The following SYNE2 variants were observed in gnomAD, a reference collection of about 807,000 sequenced individuals.
SYNE2 encodes the protein spectrin repeat containing nuclear envelope protein 2.
A neutral mutation model predicts 856.3 loss-of-function variants in SYNE2; 431 were observed. The observed-to-expected ratio is 0.50, with a 90% CI of 0.47 to 0.55. The LOEUF is 0.55. Among genes scored for constraint, SYNE2 ranks in the 20% least tolerant of loss-of-function variants. The pLI, the probability that SYNE2 is intolerant of heterozygous loss-of-function variation, is 0.00. For missense variants in SYNE2, 8,129 were observed against 8,023.2 expected, an observed-to-expected ratio of 1.01 and a Z score of -0.50; for synonymous variants, 2,923 against 2,872.3, an observed-to-expected ratio of 1.02 and a Z score of -0.56.
At chr14:63,893,762 G>GT (rs1192245231) in intron 1 of SYNE2, among the ~76,000 whole-genome samples, 2 of 152,184 alleles carry the variant, frequency 1.3e-5, no homozygotes, top group Admixed American at 1.3e-4. Context: ...CAGGGCCAGG[G>GT]TAGGCTCAGT....
At chr14:63,894,512 C>G in intron 1 of SYNE2, among the ~76,000 whole-genome samples, 1 of 152,106 alleles carries the variant, frequency 6.6e-6, no homozygotes, top group East Asian at 1.9e-4. Context: ...TGAGCCACTG[C>G]ATCCGGCCAT....
At chr14:64,106,079 A>G (rs1475548138) in intron 64 of SYNE2, among the ~76,000 whole-genome samples, 1 of 151,520 alleles carries the variant, frequency 6.6e-6, no homozygotes, top group Non-Finnish European at 1.5e-5. Flanking sequence ...AAAGAAAAAG[A>G]AAGGCTATAC....
chr14:64,193,043 T>C (rs1190920682), intron 99 of SYNE2, among the ~76,000 whole-genome samples: 1 of 152,228 alleles, frequency 6.6e-6, no homozygotes, highest in Non-Finnish European at 1.5e-5. Context: ...GAATCCCTGA[T>C]GCTGACTTCA....
chr14:64,223,009 T>G (rs996999371), intron 112 of SYNE2, among the ~76,000 whole-genome samples, 180 bp from the exon 113 acceptor site: 4 of 152,184 alleles, frequency 2.6e-5, no homozygotes, highest in African/African-American at 9.7e-5. Context: ...CATAATACAC[T>G]TGCTATCTAA....
At chr14:64,093,782 C>T (rs558296856) in intron 61 of SYNE2, among the ~76,000 whole-genome samples, 4 of 152,220 alleles carry the variant, frequency 2.6e-5, no homozygotes, top group African/African-American at 7.2e-5. Context: ...CCAGGGCTGC[C>T]GCATCTCCTT....
intron 1 of SYNE2, among the ~76,000 whole-genome samples, chr14:63,898,009 T>C (rs1948526687): frequency 6.6e-6 from 1 of 152,244 alleles, no homozygotes. Flanking sequence ...ATTGGAACTT[T>C]GTCTTATCAT....
intron 1 of SYNE2, among the ~76,000 whole-genome samples, chr14:63,783,439 G>A (rs993479097): frequency 6.6e-6 from 1 of 151,914 alleles, no homozygotes; most frequent in Non-Finnish European, 1.5e-5. Flanking sequence ...GTGCAGTGGC[G>A]CGATCTTGGC....
chr14:63,939,756 C>T (rs533225679), intron 2 of SYNE2, among the ~76,000 whole-genome samples: 7 of 152,274 alleles, frequency 4.6e-5, no homozygotes, highest in African/African-American at 1.4e-4. Context: ...GAGACAAATG[C>T]GTATTACTTT....
chr14:64,006,501 A>G lies in SYNE2; in HGVS notation c.4398-542A>G, dbSNP rs535869757. Among the ~76,000 whole-genome samples the G allele has an allele frequency of 2.6e-5, 4 of 152,156 alleles. No individual in the cohort carries two copies. The South Asian group carries it at 8.3e-4, about 32-fold the overall frequency. On this transcript the variant is annotated intron_variant, in intron 30 of 115. Coordinates refer to ENST00000555002, the MANE Select transcript of SYNE2 (RefSeq NM_182914.3). ...TATGTTAATGCTAATGTTTTTGTAT[A>G]TTTATTATATTTATTTAAAGCACCA...
rs201645739 is a variant in SYNE2 at position 64,159,371 on chromosome 14, C to T, written c.16023C>T (p.Ile5341=). Residue 5341 remains isoleucine (I), a synonymous_variant, in exon 87 of 116, where the codon ATC becomes ATT. Transcript: ENST00000555002. ...EGSWEKLQEV[I]GKLKGLCPSV... Reference sequence around the variant, plus strand: ...GTTGGGAGAAACTCCAGGAGGTTATCGGCAAACTCAAAGGTCTCTGCCCCT... The same window carrying T: ...GTTGGGAGAAACTCCAGGAGGTTATTGGCAAACTCAAAGGTCTCTGCCCCT... The T allele has an allele frequency of 4.0e-5, 65 of 1,613,920 alleles. No homozygotes were observed. Among genetic ancestry groups the T allele is most frequent in the Admixed American group, 2.0e-4 (12 of 60,008 alleles).
chr14:64,053,748 C>A lies in SYNE2; in HGVS notation c.9744+91C>A. ...TTGGGAGGCCAAGGCTGGCGGATCA[C>A]TTGAGGCCAAGTAGAGACCAGCCTG... On this transcript the variant is annotated intron_variant, in intron 48 of 115. Coordinates refer to ENST00000555002, the MANE Select transcript of SYNE2 (RefSeq NM_182914.3). 3 of 1,320,398 alleles carry A rather than the reference C, an allele frequency of 2.3e-6. No homozygotes were observed. The South Asian group carries it at 4.2e-5, about 19-fold the overall frequency. 81.8% of individuals were successfully genotyped at this position (1,320,398 alleles called of 1,614,324 possible).
At chr14:63,948,440 G>A (rs564494645) in intron 6 of SYNE2, among the ~76,000 whole-genome samples, 1 of 152,028 alleles carries the variant, frequency 6.6e-6, no homozygotes, top group Admixed American at 6.6e-5. Flanking sequence ...GAGGCAGGCA[G>A]ATCACAAGGT....
chr14:63,990,364 TA>T (rs1298243008), intron 19 of SYNE2, 46 bp from the exon 20 acceptor site: 1 of 1,568,092 alleles, frequency 6.4e-7, no homozygotes, highest in East Asian at 2.2e-5. Context: ...ATGTTTAGCA[TA>T]TAATCAGAAT....
chr14:64,202,719 C>G lies in SYNE2; in HGVS notation c.18039-82C>G, dbSNP rs1225011350. On this transcript the variant is annotated intron_variant, in intron 99 of 115. Coordinates refer to ENST00000555002, the MANE Select transcript of SYNE2 (RefSeq NM_182914.3). ...CCTGCAATGCTCTTACTGGCACATT[C>G]TTCCACCACTAAGTATTGGGCTTTT... The G allele has an allele frequency of 1.9e-6, 3 of 1,577,448 alleles. No individual in the cohort carries two copies. In the Admixed American group the frequency reaches 5.1e-5, roughly 27 times the overall value.
chr14:64,052,818 C>G lies in SYNE2; in HGVS notation c.8905C>G (p.Leu2969Val), dbSNP rs773914389. The G allele has an allele frequency of 1.7e-5, 28 of 1,612,570 alleles. No homozygotes were observed. The African/African-American group carries it at 3.6e-4, about 21-fold the overall frequency. The change falls in exon 48 of 116, where the codon CTT becomes GTT. Residue 2969 changes from leucine to valine, a missense_variant. Physicochemically the swap from Leu to Val is conservative, Grantham distance 32. Transcript: ENST00000555002. ...CAGTATACAGCGCAATGAACTATTA[C>G]TTAATCAAGAAGTAAATAAAGGTGT... Reference protein sequence around the residue: ...ADSIQRNELLLNQEVNKGVKE... With the variant: ...ADSIQRNELLVNQEVNKGVKE...
At chr14:63,901,484 C>T (rs865972934) in intron 1 of SYNE2, among the ~76,000 whole-genome samples, 11 of 152,236 alleles carry the variant, frequency 7.2e-5, no homozygotes, top group African/African-American at 2.4e-4. Context: ...CCTTTCATTT[C>T]GGATACTCTC....
At chr14:64,193,341 G>C (rs1596128642) in intron 99 of SYNE2, among the ~76,000 whole-genome samples, 1 of 152,312 alleles carries the variant, frequency 6.6e-6, no homozygotes, top group Middle Eastern at 3.4e-3. Context: ...CCTGCAGTCG[G>C]GAGTTTGAGA....
Position 63,986,502 on chromosome 14 carries a change from T to C in SYNE2, c.2198T>C (p.Leu733Pro). 6.2e-7 allele frequency: 1 copy of C among 1,614,118 alleles called. No homozygotes were observed. Among genetic ancestry groups the C allele is most frequent in the Non-Finnish European group, 8.5e-7 (1 of 1,180,012 alleles). The change falls in exon 19 of 116, where the codon CTA becomes CCA. Residue 733 changes from leucine to proline, a missense_variant. By Grantham distance (98) the Leu-to-Pro change is moderately conservative. Around this residue, in one of 3 missense-constraint regions of SYNE2, gnomAD observed 2,422 missense variants for 2,357.4 expected, o/e 1.03. Coordinates refer to ENST00000555002, the MANE Select transcript of SYNE2 (RefSeq NM_182914.3). ...EKENEEFTGQLKVAKDVEKLI... is the reference protein window; with the variant it reads ...EKENEEFTGQPKVAKDVEKLI... The stretch of plus-strand genomic sequence containing the variant: ...GAAAATGAAGAATTCACAGGGCAAC[T>C]AAAAGTGGCTAAAGATGTTGAAAAA...
intron 11 of SYNE2, among the ~76,000 whole-genome samples, chr14:63,974,890 G>GTGTGTATATATATA (rs1555407339): frequency 2.9e-4 from 8 of 27,506 alleles, no homozygotes; most frequent in African/African-American, 9.5e-4. Context: ...GTGTGTGTGT[G>GTGTGTATATATATA]TGTATATATA....
Sources: gnomAD v4.1 joint callset for allele counts (sites outside exome capture counted in the v4.1 genomes callset) on GRCh38, gnomAD v4.1.1 for gene constraint, gnomAD v4.1.1 regional missense constraint, MANE v1.5 for transcripts, NCBI Gene and HGNC (gene_info 2026-07-23, HGNC 2026-07-21) for gene names.